The following CNTNAP2 variants were observed in gnomAD, a reference collection of about 807,000 sequenced individuals.
CNTNAP2 encodes the protein contactin associated protein 2.
CNTNAP2 carries 98 observed loss-of-function variants against 155.2 expected under a neutral mutation model. The observed-to-expected ratio is 0.63, with a 90% CI of 0.54 to 0.75. CNTNAP2 has a LOEUF of 0.75. Ranked by LOEUF, CNTNAP2 falls within the 30% of genes least tolerant of loss-of-function variation. CNTNAP2 has a pLI of 0.00. For synonymous variants in CNTNAP2, 651 were observed against 631.2 expected (o/e 1.03, Z -0.47); for missense variants, 1,727 against 1,688.1 (o/e 1.02, Z -0.40).
intron 1 of CNTNAP2, among the ~76,000 whole-genome samples, chr7:146,251,210 G>T (rs561618432): frequency 3.3e-5 from 5 of 152,120 alleles, no homozygotes; most frequent in East Asian, 1.9e-4. Context: ...CAATCAAAAA[G>T]ATGTAATTAA....
intron 13 of CNTNAP2, among the ~76,000 whole-genome samples, chr7:147,751,868 T>C (rs1483603140): frequency 6.6e-6 from 1 of 152,216 alleles, no homozygotes; most frequent in Non-Finnish European, 1.5e-5. Context: ...ATTTAATCCT[T>C]ACACTTGACT....
intron 1 of CNTNAP2, among the ~76,000 whole-genome samples, chr7:146,314,971 T>A (rs912478307): frequency 6.6e-6 from 1 of 152,210 alleles, no homozygotes; most frequent in Non-Finnish European, 1.5e-5. Flanking sequence ...CCAGTCTTGC[T>A]GGGAGAAGAC....
intron 1 of CNTNAP2, among the ~76,000 whole-genome samples, chr7:146,768,346 T>C (rs1290979639): frequency 6.6e-6 from 1 of 151,900 alleles, no homozygotes; most frequent in Non-Finnish European, 1.5e-5. Flanking sequence ...TTTCAGGGTC[T>C]GGTGTCCCAA....
intron 21 of CNTNAP2, among the ~76,000 whole-genome samples, chr7:148,307,709 G>A (rs900132827): frequency 1.1e-4 from 16 of 152,078 alleles, no homozygotes; most frequent in African/African-American, 3.6e-4. Context: ...AGCGCATGCC[G>A]GTAATCCCAG....
At chr7:147,723,425 A>G (rs534904353) in intron 13 of CNTNAP2, among the ~76,000 whole-genome samples, 74 of 152,188 alleles carry the variant, frequency 4.9e-4, no homozygotes, top group African/African-American at 1.7e-3. Flanking sequence ...TAAAAATGGA[A>G]ATAAGACTCA....
At chr7:147,352,198 G>A (rs546936483) in intron 9 of CNTNAP2, among the ~76,000 whole-genome samples, 1 of 151,984 alleles carries the variant, frequency 6.6e-6, no homozygotes, top group South Asian at 2.1e-4. Flanking sequence ...ATAACATAAT[G>A]TTAGTTTTAT....
chr7:146,536,893 T>C (rs940323258), intron 1 of CNTNAP2, among the ~76,000 whole-genome samples: 2 of 152,094 alleles, frequency 1.3e-5, no homozygotes, highest in Non-Finnish European at 2.9e-5. Flanking sequence ...TTGCAAATAG[T>C]TCAAAAGCAT....
intron 8 of CNTNAP2, among the ~76,000 whole-genome samples, chr7:147,153,474 G>A (rs1243114573): frequency 6.6e-6 from 1 of 151,984 alleles, no homozygotes; most frequent in African/African-American, 2.4e-5. Context: ...TATAACAAAG[G>A]TGATAAACCC....
At chr7:147,752,781 T>C (rs966665690) in intron 13 of CNTNAP2, among the ~76,000 whole-genome samples, 1 of 152,214 alleles carries the variant, frequency 6.6e-6, no homozygotes, top group Admixed American at 6.5e-5. Flanking sequence ...TTGCCAGAAT[T>C]TACTTCCTAA....
At chr7:147,451,138 G>A (rs1393969010) in intron 10 of CNTNAP2, among the ~76,000 whole-genome samples, 1 of 152,056 alleles carries the variant, frequency 6.6e-6, no homozygotes, top group Non-Finnish European at 1.5e-5. Context: ...GTCCTTTGTT[G>A]AGGCAAAAAA....
chr7:147,453,638 G>A (rs1213544956), intron 10 of CNTNAP2, among the ~76,000 whole-genome samples: 4 of 152,178 alleles, frequency 2.6e-5, no homozygotes, highest in African/African-American at 7.2e-5. Context: ...AGTAACACTC[G>A]TGTAAGTGAG....
chr7:146,801,668 C>T (rs1188503537), intron 2 of CNTNAP2, among the ~76,000 whole-genome samples: 1 of 152,114 alleles, frequency 6.6e-6, no homozygotes, highest in African/African-American at 2.4e-5. Flanking sequence ...GCATGACACT[C>T]ATTTTATTAT....
At chr7:146,698,186 C>A (rs930486314) in intron 1 of CNTNAP2, among the ~76,000 whole-genome samples, 1 of 152,000 alleles carries the variant, frequency 6.6e-6, no homozygotes, top group Non-Finnish European at 1.5e-5. Flanking sequence ...TTAATTAGAA[C>A]AAATTTTATG....
At chr7:147,055,192 C>T (rs577972323) in intron 4 of CNTNAP2, among the ~76,000 whole-genome samples, 1 of 152,224 alleles carries the variant, frequency 6.6e-6, no homozygotes, top group African/African-American at 2.4e-5. Flanking sequence ...CAAGATATCC[C>T]TGTGTTAGGT....
intron 1 of CNTNAP2, among the ~76,000 whole-genome samples, chr7:146,156,882 A>G (rs915222730): frequency 3.3e-5 from 5 of 152,218 alleles, no homozygotes; most frequent in Non-Finnish European, 1.5e-5. Flanking sequence ...GATTACAGGC[A>G]TCAGCCACTG....
At chr7:147,044,265 A>G (rs2129255525) in intron 4 of CNTNAP2, among the ~76,000 whole-genome samples, 1 of 152,258 alleles carries the variant, frequency 6.6e-6, no homozygotes, top group East Asian at 1.9e-4. Context: ...ATAAACACGT[A>G]CAGAGACTGA....
intron 1 of CNTNAP2, among the ~76,000 whole-genome samples, chr7:146,252,109 A>G (rs949108287): frequency 6.6e-6 from 1 of 152,220 alleles, no homozygotes; most frequent in Non-Finnish European, 1.5e-5. Flanking sequence ...CAGGGGAGAC[A>G]GAGGCTGAGC....
chr7:147,231,637 G>A (rs973549610), intron 8 of CNTNAP2, among the ~76,000 whole-genome samples: 1 of 152,110 alleles, frequency 6.6e-6, no homozygotes, highest in Admixed American at 6.5e-5. Context: ...GCAAGTATGA[G>A]GTGATACCTC....
At chr7:147,861,809 A>G (rs1245652980) in intron 13 of CNTNAP2, among the ~76,000 whole-genome samples, 2 of 152,070 alleles carry the variant, frequency 1.3e-5, no homozygotes, top group African/African-American at 2.4e-5. Context: ...TGAGGTCAGG[A>G]GTTCGAGAGC....
Sources: allele counts gnomAD v4.1 joint callset (sites outside exome capture counted in the v4.1 genomes callset), GRCh38; gene constraint gnomAD v4.1.1; transcripts MANE v1.5; gene names NCBI Gene and HGNC (gene_info 2026-07-23, HGNC 2026-07-21).